Variants in DAB1 observed in about 807,000 individuals in gnomAD.
DAB1 encodes the protein DAB adaptor protein 1.
A neutral mutation model predicts 64.6 loss-of-function variants in DAB1; 15 were observed. The ratio of observed to expected loss-of-function variants is 0.23; its 90% confidence interval spans 0.16 to 0.36. The LOEUF (loss-of-function observed/expected upper bound fraction) is 0.36, where lower values mean the gene tolerates loss of function less well. DAB1 is among the 10% of genes least tolerant of loss of function. The pLI, the probability that DAB1 is intolerant of heterozygous loss-of-function variation, is 1.00. For missense variants in DAB1, 596 were observed against 706.7 expected, an observed-to-expected ratio of 0.84 and a Z score of 1.78; for synonymous variants, 235 against 251.9, an observed-to-expected ratio of 0.93 and a Z score of 0.64.
intron 2 of DAB1, among the ~76,000 whole-genome samples, chr1:57,239,668 A>G (rs1399109828): frequency 1.3e-5 from 2 of 152,084 alleles, no homozygotes. Context: ...CTGCCTAGAG[A>G]ACTGTCTTCT....
chr1:57,974,232 C>T (rs1645865729), intron 5 of DAB1, among the ~76,000 whole-genome samples: 3 of 152,180 alleles, frequency 2.0e-5, no homozygotes, highest in Admixed American at 1.3e-4. Flanking sequence ...TGCCCATCCC[C>T]AACTTCACCC....
At chr1:57,309,962 G>A (rs1439416733) in intron 1 of DAB1, among the ~76,000 whole-genome samples, 2 of 152,026 alleles carry the variant, frequency 1.3e-5, no homozygotes, top group African/African-American at 4.8e-5. Context: ...CATCATCAGG[G>A]CAAGAGGCAT....
At chr1:57,735,125 T>C (rs999486558) in intron 6 of DAB1, among the ~76,000 whole-genome samples, 2 of 152,176 alleles carry the variant, frequency 1.3e-5, no homozygotes, top group African/African-American at 4.8e-5. Context: ...CCCAATGCCA[T>C]TTCCATTCCA....
At position 58,481,693 on chromosome 1, in the gene DAB1, C is replaced by A. The variant is rs530815282; in HGVS notation, n.257+24367G>T. On this transcript the variant is annotated intron_variant and non_coding_transcript_variant, in intron 3 of 20. Transcript: ENST00000485760. ...ATCTTGAATTGCAGTTCCCATAATT[C>A]CCACATGTCATGGGAGGTAACTGAA... Among the ~76,000 whole-genome samples, 13 of 147,402 alleles carry A rather than the reference C, an allele frequency of 8.8e-5. No homozygotes were observed. In the South Asian group the frequency reaches 2.3e-3, roughly 26 times the overall value.
At chr1:57,877,975 G>A (rs1644079227) in intron 1 of DAB1, among the ~76,000 whole-genome samples, 2 of 152,168 alleles carry the variant, frequency 1.3e-5, no homozygotes, top group African/African-American at 4.8e-5. Context: ...TATGTAGAGA[G>A]GTTCACTCTT....
At chr1:57,987,268 G>A (rs1287652842) in intron 5 of DAB1, among the ~76,000 whole-genome samples, 2 of 152,138 alleles carry the variant, frequency 1.3e-5, no homozygotes, top group Non-Finnish European at 2.9e-5. Context: ...ATTCTTCCCA[G>A]CCACATAGAC....
intron 1 of DAB1, among the ~76,000 whole-genome samples, chr1:57,843,738 C>G (rs775883379): frequency 6.6e-6 from 1 of 152,178 alleles, no homozygotes; most frequent in Non-Finnish European, 1.5e-5. Context: ...CCATGCACAG[C>G]TAGGAGCTTC....
At chr1:57,953,843 A>C (rs1645329165) in intron 5 of DAB1, among the ~76,000 whole-genome samples, 1 of 152,012 alleles carries the variant, frequency 6.6e-6, no homozygotes, top group Non-Finnish European at 1.5e-5. Flanking sequence ...TGCTGGCCTT[A>C]CCCTATGGCT....
chr1:57,334,314 G>C (rs1466005289), intron 1 of DAB1, among the ~76,000 whole-genome samples: 1 of 152,238 alleles, frequency 6.6e-6, no homozygotes, highest in Non-Finnish European at 1.5e-5. Flanking sequence ...GCTGCCCTGG[G>C]TTCAAGTCCT....
chr1:58,532,252 T>C (rs1015849558), intron 1 of DAB1, among the ~76,000 whole-genome samples: 6 of 152,182 alleles, frequency 3.9e-5, no homozygotes, highest in Non-Finnish European at 7.4e-5. Context: ...CAAAAACATA[T>C]TAATAACTAT....
At chr1:57,406,613 T>G (rs780195559) in intron 1 of DAB1, among the ~76,000 whole-genome samples, 27 of 152,228 alleles carry the variant, frequency 1.8e-4, no homozygotes, top group Non-Finnish European at 2.9e-4. Context: ...CACCATCATC[T>G]TCATCATTGC....
At chr1:57,820,905 A>T (rs942097395) in intron 6 of DAB1, among the ~76,000 whole-genome samples, 2 of 152,338 alleles carry the variant, frequency 1.3e-5, no homozygotes, top group African/African-American at 4.8e-5. Flanking sequence ...TATAAAGAGA[A>T]CATAAGTTCA....
chr1:57,704,086 T>C (rs1289604853), intron 6 of DAB1, among the ~76,000 whole-genome samples: 1 of 151,964 alleles, frequency 6.6e-6, no homozygotes, highest in East Asian at 1.9e-4. Context: ...AACTAATGGG[T>C]ACTAGGCTTA....
At chr1:58,479,544 C>T (rs925201242) in intron 3 of DAB1, among the ~76,000 whole-genome samples, 1 of 152,092 alleles carries the variant, frequency 6.6e-6, no homozygotes, top group Non-Finnish European at 1.5e-5. Flanking sequence ...CCTACACTGC[C>T]TCATCTATGC....
At chr1:57,225,206 T>C (rs1667172116) in intron 2 of DAB1, among the ~76,000 whole-genome samples, 1 of 152,182 alleles carries the variant, frequency 6.6e-6, no homozygotes, top group African/African-American at 2.4e-5. Context: ...AATGGGGTCA[T>C]GGGAACTCAC....
chr1:57,834,451 A>G (rs1458279232), intron 1 of DAB1, among the ~76,000 whole-genome samples: 1 of 152,162 alleles, frequency 6.6e-6, no homozygotes, highest in Non-Finnish European at 1.5e-5. Flanking sequence ...TTCTTTGAAC[A>G]TTTCATTAGT....
rs1343454341 is a variant in DAB1 at position 57,768,599 on chromosome 1, T to C, written n.551+115400A>G. On this transcript the variant is annotated intron_variant and non_coding_transcript_variant, in intron 6 of 20. Transcript: ENST00000485760. Reference sequence around the variant, plus strand: ...CTATATATACACAAACATATAAATATATACAGTAAGGTATATATATTCAAT... The same window carrying C: ...CTATATATACACAAACATATAAATACATACAGTAAGGTATATATATTCAAT... Among the ~76,000 whole-genome samples the C allele has an allele frequency of 2.0e-5, 3 of 150,374 alleles. No individual in the cohort carries two copies. In the East Asian group the frequency reaches 5.8e-4, roughly 29 times the overall value.
In DAB1 at chr1:57,629,817, T is replaced by C. The variant is rs543307057; in HGVS notation, n.625+19775A>G. 1.5e-3 allele frequency among the ~76,000 whole-genome samples: 224 copies of C among 151,580 alleles called. 2 individuals carry two copies. Among genetic ancestry groups the C allele is most frequent in the African/African-American group, 5.3e-3 (219 of 41,338 alleles). ...TCTAGACCCACGGAGCAAAGAGATA[T>C]TGTCATAGCATTACAAAGGTTGAGG... On this transcript the variant is annotated intron_variant and non_coding_transcript_variant, in intron 7 of 20. Coordinates refer to the DAB1 transcript ENST00000485760.
chr1:58,451,331 G>T (rs1175769067), intron 3 of DAB1, among the ~76,000 whole-genome samples: 1 of 152,150 alleles, frequency 6.6e-6, no homozygotes, highest in African/African-American at 2.4e-5. Flanking sequence ...GGGCTCAAGC[G>T]ACCCTCCCAC....
Sources: gnomAD v4.1 joint callset for allele counts (sites outside exome capture counted in the v4.1 genomes callset) on GRCh38, gnomAD v4.1.1 for gene constraint, MANE v1.5 for transcripts, NCBI Gene and HGNC (gene_info 2026-07-23, HGNC 2026-07-21) for gene names.